Variants in FBXL17 observed in about 807,000 individuals in gnomAD.
FBXL17 encodes the protein F-box/LRR-repeat protein 17.
Under a neutral mutation model 66.2 loss-of-function variants are expected in FBXL17, and 22 were observed. That is an observed-to-expected ratio of 0.33 (90% confidence interval 0.24 to 0.47). The LOEUF (loss-of-function observed/expected upper bound fraction) is 0.47, where lower values mean the gene tolerates loss of function less well. Among genes scored for constraint, FBXL17 ranks in the 20% least tolerant of loss-of-function variants. FBXL17 has a pLI of 1.00. For missense variants in FBXL17, 878 were observed against 948.2 expected, an observed-to-expected ratio of 0.93 and a Z score of 0.97; for synonymous variants, 474 against 400.5, an observed-to-expected ratio of 1.18 and a Z score of -2.19.
chr5:108,070,249 T>C (rs1418732081), intron 6 of FBXL17, among the ~76,000 whole-genome samples: 2 of 152,210 alleles, frequency 1.3e-5, no homozygotes, highest in African/African-American at 4.8e-5. Context: ...ATCAGGTTAA[T>C]GATGGTTTCC....
chr5:107,924,505 A>T (rs1186890757), intron 7 of FBXL17, among the ~76,000 whole-genome samples: 1 of 152,150 alleles, frequency 6.6e-6, no homozygotes, highest in African/African-American at 2.4e-5. Context: ...AAGATGGGTT[A>T]AAAAAATGGT....
At chr5:107,868,980 T>C (rs540693503) in intron 8 of FBXL17, among the ~76,000 whole-genome samples, 2 of 152,316 alleles carry the variant, frequency 1.3e-5, no homozygotes, top group East Asian at 3.9e-4. Flanking sequence ...TAAGTTCTTG[T>C]GTGAAATAGC....
chr5:107,999,933 A>G (rs1220235983), intron 7 of FBXL17, among the ~76,000 whole-genome samples: 1 of 152,232 alleles, frequency 6.6e-6, no homozygotes, highest in Non-Finnish European at 1.5e-5. Context: ...ACAAGTAGAA[A>G]GGCGATAATG....
At chr5:108,190,208 C>T (rs763827029) in intron 5 of FBXL17, among the ~76,000 whole-genome samples, 7 of 152,230 alleles carry the variant, frequency 4.6e-5, no homozygotes, top group East Asian at 1.9e-4. Context: ...ACTTTAAATG[C>T]TGAAGCTCTC....
rs549536713 is a variant in FBXL17 at position 108,358,328 on chromosome 5, T to C, written c.1374+6410A>G. Among the ~76,000 whole-genome samples, 20 of 152,288 alleles carry C rather than the reference T, an allele frequency of 1.3e-4. No individual in the cohort carries two copies. The East Asian group carries it at 3.5e-3, about 26-fold the overall frequency. Reference sequence around the variant, plus strand: ...CTGTGGGTTTGTCACATATGGTCTTTATTATGATGAGGAAGCATCACTCTA... The same window carrying C: ...CTGTGGGTTTGTCACATATGGTCTTCATTATGATGAGGAAGCATCACTCTA... On this transcript the variant is annotated intron_variant, in intron 3 of 8. Coordinates refer to ENST00000542267, the MANE Select transcript of FBXL17 (RefSeq NM_001163315.3).
chr5:107,989,881 C>T (rs910620131), intron 7 of FBXL17, among the ~76,000 whole-genome samples: 1 of 152,054 alleles, frequency 6.6e-6, no homozygotes, highest in Non-Finnish European at 1.5e-5. Flanking sequence ...ATTTCTCCAC[C>T]AGGTTTACTG....
At chr5:108,374,979 A>T (rs919226234) in intron 1 of FBXL17, among the ~76,000 whole-genome samples, 1 of 152,112 alleles carries the variant, frequency 6.6e-6, no homozygotes, top group African/African-American at 2.4e-5. Flanking sequence ...AGCAGAAACA[A>T]GGGGGAAAAA....
chr5:108,111,120 A>G lies in FBXL17; in HGVS notation c.1745+74997T>C, dbSNP rs140176661. ...CAATCACATTTCTCACTGTTTCAGAATGACCTATTTCGCACTAGAATGAAC... is the reference window on the plus strand; with the variant it reads ...CAATCACATTTCTCACTGTTTCAGAGTGACCTATTTCGCACTAGAATGAAC... On this transcript the variant is annotated intron_variant, in intron 6 of 8. Coordinates refer to ENST00000542267, the MANE Select transcript of FBXL17 (RefSeq NM_001163315.3). Among the ~76,000 whole-genome samples the G allele has an allele frequency of 4.4e-3, 668 of 152,258 alleles. 4 individuals are homozygous for G. Among genetic ancestry groups the G allele is most frequent in the Non-Finnish European group, 8.0e-3 (542 of 68,012 alleles).
intron 5 of FBXL17, among the ~76,000 whole-genome samples, chr5:108,220,626 A>C (rs1292114145): frequency 6.6e-6 from 1 of 152,008 alleles, no homozygotes; most frequent in African/African-American, 2.4e-5. Flanking sequence ...ATTTCTTTTA[A>C]TTCATTGCAG....
At chr5:107,961,409 G>A (rs961672872) in intron 7 of FBXL17, among the ~76,000 whole-genome samples, 1 of 151,346 alleles carries the variant, frequency 6.6e-6, no homozygotes, top group African/African-American at 2.4e-5. Context: ...AATTTTTTTG[G>A]TAGGGACAGG....
At chr5:108,309,606 ATTAT>A (rs1223227181) in intron 4 of FBXL17, among the ~76,000 whole-genome samples, 2 of 152,092 alleles carry the variant, frequency 1.3e-5, no homozygotes, top group Admixed American at 1.3e-4. Flanking sequence ...GTTCTATTTG[ATTAT>A]TTATCTTAGA....
chr5:108,261,266 G>C (rs902118203), intron 4 of FBXL17, among the ~76,000 whole-genome samples: 1 of 151,738 alleles, frequency 6.6e-6, no homozygotes, highest in Non-Finnish European at 1.5e-5. Context: ...GGTGAGAAGA[G>C]GGAGGTTGAC....
At chr5:107,914,991 T>C (rs1750079368) in intron 7 of FBXL17, among the ~76,000 whole-genome samples, 2 of 152,210 alleles carry the variant, frequency 1.3e-5, no homozygotes, top group South Asian at 4.1e-4. Flanking sequence ...ATTTAGTTAA[T>C]GGTTTTAAAA....
At chr5:108,177,917 A>G (rs976679055) in intron 6 of FBXL17, among the ~76,000 whole-genome samples, 10 of 141,394 alleles carry the variant, frequency 7.1e-5, no homozygotes, top group South Asian at 2.3e-4. Flanking sequence ...AAATGTATAT[A>G]TATATATATA....
At chr5:107,914,075 T>C (rs954017005) in intron 7 of FBXL17, among the ~76,000 whole-genome samples, 1 of 143,084 alleles carries the variant, frequency 7.0e-6, no homozygotes, top group South Asian at 2.3e-4. Flanking sequence ...AATACTTCAT[T>C]ATAGATTTAG....
intron 6 of FBXL17, among the ~76,000 whole-genome samples, chr5:108,028,440 T>C (rs1482901791): frequency 6.6e-6 from 1 of 152,188 alleles, no homozygotes; most frequent in Non-Finnish European, 1.5e-5. Flanking sequence ...AGCTTACTTT[T>C]AATTTAAAAT....
At chr5:108,092,929 TTA>T (rs1318758674) in intron 6 of FBXL17, among the ~76,000 whole-genome samples, 2 of 152,216 alleles carry the variant, frequency 1.3e-5, no homozygotes, top group Non-Finnish European at 2.9e-5. Context: ...GATTCCTATA[TTA>T]TATAAACATA....
At chr5:108,370,480 C>A (rs570407580) in intron 1 of FBXL17, among the ~76,000 whole-genome samples, 34 of 152,286 alleles carry the variant, frequency 2.2e-4, no homozygotes, top group Middle Eastern at 3.4e-3. Context: ...CATGGTGGCT[C>A]ATGCCTGTAA....
chr5:108,314,597 C>A (rs1041335176), intron 4 of FBXL17, among the ~76,000 whole-genome samples: 4 of 150,862 alleles, frequency 2.7e-5, no homozygotes, highest in Non-Finnish European at 3.0e-5. Context: ...ATTAATACTG[C>A]GTTCAAAAGT....
Sources: allele counts gnomAD v4.1 joint callset (sites outside exome capture counted in the v4.1 genomes callset), GRCh38; gene constraint gnomAD v4.1.1; transcripts MANE v1.5; gene names NCBI Gene and HGNC (gene_info 2026-07-23, HGNC 2026-07-21).